DSP: variants seen among roughly 807,000 people sequenced by gnomAD.
DSP encodes 250/210 kDa paraneoplastic pemphigus antigen.
Under a neutral mutation model 290.6 loss-of-function variants are expected in DSP, and 114 were observed. The observed-to-expected ratio is 0.39, with a 90% CI of 0.34 to 0.46. DSP has a LOEUF of 0.46. DSP is among the 20% of genes least tolerant of loss of function. The pLI is 0.99. For missense variants in DSP, 3,230 were observed against 3,495.8 expected (o/e 0.92, Z 1.92); for synonymous variants, 1,311 against 1,316.4 (o/e 1.00, Z 0.09).
intron 2 of DSP, among the ~76,000 whole-genome samples, chr6:7,557,630 A>C (rs1758538809): frequency 6.6e-6 from 1 of 152,230 alleles, no homozygotes; most frequent in South Asian, 2.1e-4. Context: ...CAGTGAGCTG[A>C]GATCGTGCCA....
In DSP at chr6:7,583,103, T is replaced by C; in HGVS notation, c.5841T>C (p.Tyr1947=). The change falls in exon 24 of 24, where the codon TAT becomes TAC. Residue 1947 remains tyrosine (Y), a synonymous_variant. Coordinates refer to ENST00000379802, the MANE Select transcript of DSP (RefSeq NM_004415.4). The surrounding 1 kb of genome is among the most constrained non-coding windows in gnomAD (Gnocchi z 4.0). The part of the protein sequence containing the change: ...REIDKLRQRP[Y]GSHRETQTEC... The stretch of plus-strand genomic sequence containing the variant: ...TTGATAAACTCAGACAGCGCCCATA[T>C]GGGTCCCATCGAGAGACCCAGACTG... 1 of 1,614,066 alleles carries C rather than the reference T, an allele frequency of 6.2e-7. No homozygotes were observed.
intron 1 of DSP, among the ~76,000 whole-genome samples, chr6:7,542,905 T>G (rs770561860): frequency 9.4e-5 from 14 of 149,328 alleles, no homozygotes; most frequent in Non-Finnish European, 1.6e-4. Context: ...GCCGGCCGCA[T>G]GTCTGCTTTG....
chr6:7,580,068 T>C lies in DSP; in HGVS notation c.3878T>C (p.Ile1293Thr), dbSNP rs759823665. 4 of 1,613,642 alleles carry C rather than the reference T, an allele frequency of 2.5e-6. No homozygotes were observed. Among genetic ancestry groups the C allele is most frequent in the African/African-American group, 2.7e-5 (2 of 74,762 alleles). ...EIMQKKQHLE[I>T]ELKQVMQQRS... ...ATGCAGAAGAAGCAGCATCTGGAGA[T>C]AGAACTGAAGCAGGTCATGCAGCAG... The change falls in exon 23 of 24, where the codon ATA becomes ACA. Residue 1293 changes from isoleucine to threonine, a missense_variant. Around this residue, in one of 5 missense-constraint regions of DSP, gnomAD observed 1,714 missense variants for 1,844.5 expected, o/e 0.93. Coordinates refer to ENST00000379802, the MANE Select transcript of DSP (RefSeq NM_004415.4). This position sits in a 1 kb window ranked among gnomAD's most constrained non-coding sequence, Gnocchi z 4.2.
At chr6:7,576,566 T>C in intron 19 of DSP, 110 bp downstream of exon 19, 1 of 1,384,860 alleles carries the variant, frequency 7.2e-7, no homozygotes, top group Non-Finnish European at 1.0e-6. Flanking sequence ...GAATATTTAA[T>C]ATTACTAACC....
intron 1 of DSP, among the ~76,000 whole-genome samples, chr6:7,553,770 C>T (rs370204446): frequency 6.6e-6 from 1 of 152,122 alleles, no homozygotes; most frequent in Non-Finnish European, 1.5e-5. Flanking sequence ...GTCTTGGTTT[C>T]GAGAGCTGGA....
chr6:7,560,697 G>A (rs1758656192), intron 4 of DSP, among the ~76,000 whole-genome samples: 1 of 152,198 alleles, frequency 6.6e-6, no homozygotes, highest in Admixed American at 6.5e-5. Context: ...AACAGTCACA[G>A]GAAGACATAG....
intron 1 of DSP, among the ~76,000 whole-genome samples, chr6:7,552,398 A>G (rs972278099): frequency 2.5e-5 from 3 of 117,754 alleles, no homozygotes; most frequent in Admixed American, 2.5e-4. Context: ...TCTATTAAAA[A>G]TACAAAAAAA....
At chr6:7,551,489 C>T (rs961326702) in intron 1 of DSP, among the ~76,000 whole-genome samples, 1 of 151,956 alleles carries the variant, frequency 6.6e-6, no homozygotes, top group Non-Finnish European at 1.5e-5. Context: ...ATTAGCTTTG[C>T]GTGGTGGCAG....
At position 7,583,714 on chromosome 6, in the gene DSP, G is replaced by A. The variant is rs367759510; in HGVS notation, c.6452G>A (p.Arg2151Gln). Reference sequence around the variant, plus strand: ...TTGCCAAAAGATGTCGCCTTGGCCCGGGGGCTGATTGATAGAGATTTGTAT... The same window carrying A: ...TTGCCAAAAGATGTCGCCTTGGCCCAGGGGCTGATTGATAGAGATTTGTAT... ...VFLPKDVALA[R>Q]GLIDRDLYRS... Residue 2151 changes from arginine to glutamine, a missense_variant, in exon 24 of 24, where the codon CGG becomes CAG. Arg to Gln is a conservative substitution (Grantham distance 43, BLOSUM62 1). Around this residue, in one of 5 missense-constraint regions of DSP, gnomAD observed 1,714 missense variants for 1,844.5 expected, o/e 0.93. Coordinates refer to ENST00000379802, the MANE Select transcript of DSP (RefSeq NM_004415.4). The surrounding 1 kb of genome is among the most constrained non-coding windows in gnomAD (Gnocchi z 4.0). 48 of 1,614,002 alleles carry A rather than the reference G, an allele frequency of 3.0e-5. No homozygotes were observed. The highest frequency in any genetic ancestry group is 4.5e-5 in the East Asian group (2 of 44,884).
At position 7,575,372 on chromosome 6, in the gene DSP, C is replaced by T. The variant is rs979784303; in HGVS notation, c.2514C>T (p.Ile838=). The change falls in exon 18 of 24, where the codon ATC becomes ATT. Residue 838 remains isoleucine (I), a synonymous_variant. Coordinates refer to ENST00000379802, the MANE Select transcript of DSP (RefSeq NM_004415.4). ...MKTELQKAQQ[I]HSQTSQQYPL... ...CAGAACTACAGAAAGCCCAGCAGATCCACTCTCAGACTTCACAGCAGTATC... is the reference window on the plus strand; with the variant it reads ...CAGAACTACAGAAAGCCCAGCAGATTCACTCTCAGACTTCACAGCAGTATC... The T allele has an allele frequency of 6.2e-7, 1 of 1,613,976 alleles. No individual in the cohort carries two copies. The highest frequency in any genetic ancestry group is 8.5e-7 in the Non-Finnish European group (1 of 1,180,008).
At position 7,584,680 on chromosome 6, in the gene DSP, C is replaced by T. The variant is rs1389902511; in HGVS notation, c.7418C>T (p.Thr2473Ile). 2 of 1,614,080 alleles carry T rather than the reference C, an allele frequency of 1.2e-6. No individual in the cohort carries two copies. Among genetic ancestry groups the T allele is most frequent in the South Asian group, 1.1e-5 (1 of 91,076 alleles). ...AGAGTGGTCATAGTTGACCCAGAAA[C>T]CAATAAAGAAATGTCTGTTCAGGAG... ...KRRVVIVDPE[T>I]NKEMSVQEAY... Residue 2473 changes from threonine (T) to isoleucine (I), a missense_variant, in exon 24 of 24, where the codon ACC becomes ATC. Physicochemically the swap from Thr to Ile is moderately conservative, Grantham distance 89 (BLOSUM62 -1). This residue lies in a region of DSP where 582 missense variants were observed against 555.4 expected (regional missense o/e 1.05). Coordinates refer to ENST00000379802, the MANE Select transcript of DSP (RefSeq NM_004415.4). This position sits in a 1 kb window ranked among gnomAD's most constrained non-coding sequence, Gnocchi z 6.4.
intron 6 of DSP, among the ~76,000 whole-genome samples, chr6:7,564,904 G>C (rs367845445): frequency 6.6e-6 from 1 of 152,166 alleles, no homozygotes; most frequent in Admixed American, 6.5e-5. Context: ...CAGCACTTTG[G>C]GGGGCCGAGG....
chr6:7,569,376 G>T lies in DSP; in HGVS notation c.1574+36G>T, dbSNP rs763036398. The T allele has an allele frequency of 4.3e-6, 7 of 1,614,060 alleles. No homozygotes were observed. In the Admixed American group the frequency reaches 6.7e-5, roughly 15 times the overall value. On this transcript the variant is annotated intron_variant, in intron 12 of 23. Coordinates refer to ENST00000379802, the MANE Select transcript of DSP (RefSeq NM_004415.4). ...CAAGTTCCCAAAGCCACGCATGCAC[G>T]CATGAATGTGAGGGCAGAGGAAGAG...
At chr6:7,578,063 A>T (rs190251812) in intron 21 of DSP, among the ~76,000 whole-genome samples, 177 bp downstream of exon 21, 140 of 152,300 alleles carry the variant, frequency 9.2e-4, no homozygotes, top group African/African-American at 3.3e-3. Flanking sequence ...TGTGCCCTCC[A>T]GTGTGAGTCA....
At chr6:7,568,688 A>G in intron 11 of DSP, 99 bp downstream of exon 11, 1 of 1,298,962 alleles carries the variant, frequency 7.7e-7, no homozygotes, top group Non-Finnish European at 1.1e-6. Context: ...TTCAATAATC[A>G]CCACAGTCAA....
At position 7,541,993 on chromosome 6, in the gene DSP, G is replaced by T. The variant is rs71559180; in HGVS notation, c.78G>T (p.Leu26=). ...RMIRAESGPD[L]RYEVTSGGGG... The stretch of plus-strand genomic sequence containing the variant: ...TCCGCGCCGAGTCTGGCCCGGACCT[G>T]CGCTACGAGGTGACCAGCGGCGGCG... The change falls in exon 1 of 24, where the codon CTG becomes CTT. Residue 26 remains leucine (L), a synonymous_variant. Transcript: ENST00000379802. 194 of 1,600,226 alleles carry T rather than the reference G, an allele frequency of 1.2e-4. No homozygotes were observed. Among genetic ancestry groups the T allele is most frequent in the Non-Finnish European group, 1.6e-4 (184 of 1,174,714 alleles).
chr6:7,570,339 G>C, intron 12 of DSP, 98 bp from the exon 13 acceptor site: 1 of 1,570,278 alleles, frequency 6.4e-7, no homozygotes, highest in Non-Finnish European at 8.7e-7. Flanking sequence ...AGTGACTGTT[G>C]TAGGTTTTTG....
intron 1 of DSP, among the ~76,000 whole-genome samples, chr6:7,548,786 C>G (rs1424733044): frequency 6.6e-6 from 1 of 152,164 alleles, no homozygotes; most frequent in Non-Finnish European, 1.5e-5. Context: ...GCTGTGCTCT[C>G]TGGTTGAGCT....
chr6:7,549,714 A>G (rs1758276968), intron 1 of DSP, among the ~76,000 whole-genome samples: 2 of 152,162 alleles, frequency 1.3e-5, no homozygotes, highest in East Asian at 1.9e-4. Flanking sequence ...TCTTTCTGGC[A>G]TATGTACAAG....
Sources: gnomAD v4.1 joint callset for allele counts (sites outside exome capture counted in the v4.1 genomes callset) on GRCh38, gnomAD v4.1.1 for gene constraint, gnomAD v4.1.1 regional missense constraint, Gnocchi (gnomAD v3.1) non-coding constraint, MANE v1.5 for transcripts, NCBI Gene and HGNC (gene_info 2026-07-23, HGNC 2026-07-21) for gene names.